RANBP9: variants seen among roughly 807,000 people sequenced by gnomAD.
RANBP9 encodes RAN binding protein 9, also known as ran-binding protein 9.
In RANBP9, 15 loss-of-function variants were observed where a neutral mutation model predicts 84.3. The observed-to-expected ratio is 0.18, with a 90% confidence interval of 0.12 to 0.27. The LOEUF (loss-of-function observed/expected upper bound fraction) is 0.27, where lower values mean the gene tolerates loss of function less well. Ranked by LOEUF, RANBP9 falls within the 10% of genes least tolerant of loss-of-function variation. The pLI, the probability that RANBP9 is intolerant of heterozygous loss-of-function variation, is 1.00. For missense variants in RANBP9, 809 were observed against 912.8 expected (o/e 0.89, Z 1.46); for synonymous variants, 392 against 349.6 (o/e 1.12, Z -1.35).
chr6:13,622,591 C>T (rs984940312), intron 13 of RANBP9, 99 bp from the exon 14 acceptor site: 73 of 1,222,044 alleles, frequency 6.0e-5, no homozygotes, highest in Middle Eastern at 2.0e-4. Flanking sequence ...AAAACTACCA[C>T]TCCCATACCA....
At chr6:13,634,088 CCTTA>C (rs1291040315) in intron 11 of RANBP9, among the ~76,000 whole-genome samples, 1 of 152,118 alleles carries the variant, frequency 6.6e-6, no homozygotes, top group African/African-American at 2.4e-5. Flanking sequence ...AACCATTTGG[CCTTA>C]CTGACTATAC....
chr6:13,674,041 G>A (rs1002339686), intron 2 of RANBP9, among the ~76,000 whole-genome samples: 5 of 150,012 alleles, frequency 3.3e-5, no homozygotes, highest in African/African-American at 7.4e-5. Context: ...CTGAGATCCC[G>A]CCACTGCACT....
chr6:13,711,477 G>GTTGCTGCTGCTGCT lies in RANBP9; in HGVS notation c.28_29insAGCAGCAGCAGCAA (p.Pro10GlnfsTer56). 1 of 1,182,482 alleles carries GTTGCTGCTGCTGCT rather than the reference G, an allele frequency of 8.5e-7. No individual in the cohort carries two copies. The highest frequency in any genetic ancestry group is 1.0e-6 in the Non-Finnish European group (1 of 953,612). 73.2% of individuals were successfully genotyped at this position (1,182,482 alleles called of 1,614,324 possible). A position where few individuals can be genotyped will look rare whatever the true frequency, so the allele number is the denominator to read the frequency against. On this transcript the variant is annotated frameshift_variant, in exon 1 of 14. Transcript: ENST00000011619. LOFTEE classifies it high-confidence loss of function. ...CTGCTGCTGCTGTTGCTGCTGCTGC[G>GTTGCTGCTGCTGCT]GCGGCGGCGGCGGCGGCTGCCCGGA...
intron 6 of RANBP9, among the ~76,000 whole-genome samples, 183 bp from the exon 7 acceptor site, chr6:13,642,774 A>G (rs1037395198): frequency 6.6e-6 from 1 of 152,162 alleles, no homozygotes; most frequent in Non-Finnish European, 1.5e-5. Flanking sequence ...CTATTCATGT[A>G]CTATTTTCGA....
At chr6:13,629,913 CTCTCTCTCGT>C (rs1437644385) in intron 12 of RANBP9, among the ~76,000 whole-genome samples, 3 of 125,054 alleles carry the variant, frequency 2.4e-5, no homozygotes, top group East Asian at 3.4e-4. Context: ...CTCTCTCTCT[CTCTCTCTCGT>C]GTGTGTGTGT....
chr6:13,662,019 T>C (rs1023194555), intron 2 of RANBP9, among the ~76,000 whole-genome samples: 2 of 152,074 alleles, frequency 1.3e-5, no homozygotes, highest in Non-Finnish European at 2.9e-5. Flanking sequence ...TTAAGACACA[T>C]AAAAGCTAAT....
intron 2 of RANBP9, among the ~76,000 whole-genome samples, chr6:13,660,488 G>C (rs1370788755): frequency 1.3e-5 from 2 of 152,122 alleles, no homozygotes; most frequent in Non-Finnish European, 2.9e-5. Flanking sequence ...ACTCCACCCT[G>C]AGTGATAGAC....
intron 1 of RANBP9, among the ~76,000 whole-genome samples, chr6:13,701,983 A>T (rs1757985443): frequency 6.6e-6 from 1 of 152,104 alleles, no homozygotes; most frequent in African/African-American, 2.4e-5. Context: ...TCAGCCTCTC[A>T]AGCTTGTATT....
intron 11 of RANBP9, 151 bp from the exon 12 acceptor site, chr6:13,632,672 T>C: frequency 1.4e-6 from 1 of 724,982 alleles, no homozygotes; most frequent in Non-Finnish European, 2.2e-6. Context: ...TCATTTTTAA[T>C]ATGAAACTGC....
intron 2 of RANBP9, among the ~76,000 whole-genome samples, chr6:13,664,259 C>G (rs1247819632): frequency 6.6e-6 from 1 of 152,062 alleles, no homozygotes; most frequent in Non-Finnish European, 1.5e-5. Flanking sequence ...CTATCTACAA[C>G]AGCATCAGAA....
chr6:13,672,766 G>A (rs1419924892), intron 2 of RANBP9, among the ~76,000 whole-genome samples: 1 of 151,770 alleles, frequency 6.6e-6, no homozygotes, highest in Non-Finnish European at 1.5e-5. Flanking sequence ...AATGCTAAGG[G>A]CTATAAGAAA....
At chr6:13,634,280 A>C in intron 11 of RANBP9, 151 bp downstream of exon 11, 1 of 880,650 alleles carries the variant, frequency 1.1e-6, no homozygotes, top group Non-Finnish European at 1.6e-6. Flanking sequence ...CACTCAAACA[A>C]GAGTTTAAGT....
At chr6:13,654,444 T>C (rs536425601) in intron 4 of RANBP9, among the ~76,000 whole-genome samples, 100 of 152,324 alleles carry the variant, frequency 6.6e-4, no homozygotes, top group African/African-American at 2.3e-3. Context: ...TTTTTCCTTA[T>C]ATAGTAAACA....
At chr6:13,629,078 A>T (rs561266660) in intron 12 of RANBP9, among the ~76,000 whole-genome samples, 150 of 152,298 alleles carry the variant, frequency 9.8e-4, no homozygotes, top group African/African-American at 3.5e-3. Context: ...GCAATGTTGA[A>T]ATAAACCTAT....
At chr6:13,655,327 C>G (rs1458692694) in intron 4 of RANBP9, among the ~76,000 whole-genome samples, 1 of 152,004 alleles carries the variant, frequency 6.6e-6, no homozygotes, top group Non-Finnish European at 1.5e-5. Context: ...CAAAAATTAG[C>G]TGGGGGTGAT....
At chr6:13,632,099 C>G (rs2127761382) in intron 12 of RANBP9, among the ~76,000 whole-genome samples, 1 of 127,116 alleles carries the variant, frequency 7.9e-6, no homozygotes, top group East Asian at 2.6e-4. Context: ...TTGATAAGCA[C>G]TAGCACTGGG....
At chr6:13,698,244 A>G (rs1757887782) in intron 1 of RANBP9, among the ~76,000 whole-genome samples, 1 of 152,186 alleles carries the variant, frequency 6.6e-6, no homozygotes, top group African/African-American at 2.4e-5. Context: ...CCTGGTGACC[A>G]TAAGGAGTCA....
chr6:13,631,100 G>A (rs531011096), intron 12 of RANBP9, among the ~76,000 whole-genome samples: 9 of 152,198 alleles, frequency 5.9e-5, no homozygotes, highest in South Asian at 2.1e-4. Flanking sequence ...GAGCCACCGC[G>A]CCCGGCCTGA....
rs558438156 is a variant in RANBP9, at chr6:13,627,561, C to T, written c.1948-1797G>A. Among the ~76,000 whole-genome samples, 11 of 139,718 alleles carry T rather than the reference C, an allele frequency of 7.9e-5. No homozygotes were observed. In the South Asian group the frequency reaches 9.3e-4, roughly 12 times the overall value. The allele number at this position is 139,718 out of a possible 152,430, so 91.7% of individuals were successfully genotyped here. A position where few individuals can be genotyped will look rare whatever the true frequency, so the allele number is the denominator to read the frequency against. On this transcript the variant is annotated intron_variant, in intron 12 of 13. Coordinates refer to ENST00000011619, the MANE Select transcript of RANBP9 (RefSeq NM_005493.3). ...AGGAGAATCACTTGAACCCAGTAGG[C>T]GGAGGCTGCAGTGAGCCAAGATCAC... is the stretch of plus-strand genomic sequence containing the variant.
Sources: allele counts gnomAD v4.1 joint callset (sites outside exome capture counted in the v4.1 genomes callset), GRCh38; gene constraint gnomAD v4.1.1; transcripts MANE v1.5; gene names NCBI Gene and HGNC (gene_info 2026-07-23, HGNC 2026-07-21).